DOK2: variants seen among roughly 807,000 people sequenced by gnomAD.
DOK2 encodes the protein docking protein 2, 56kD.
A neutral mutation model predicts 26.0 loss-of-function variants in DOK2; 28 were observed. That is an observed-to-expected ratio of 1.08 (90% CI 0.80 to 1.48). The LOEUF is 1.48. DOK2 is among the 40% of genes most tolerant of loss of function. The pLI, the probability that DOK2 is intolerant of heterozygous loss-of-function variation, is 0.00. For missense variants in DOK2, 682 were observed against 558.2 expected, an observed-to-expected ratio of 1.22 and a Z score of -2.23; for synonymous variants, 282 against 236.9, an observed-to-expected ratio of 1.19 and a Z score of -1.75.
At position 21,910,730 on chromosome 8, in the gene DOK2, T is replaced by C; in HGVS notation, c.561A>G (p.Pro187=). 1 of 1,614,114 alleles carries C rather than the reference T, an allele frequency of 6.2e-7. No individual in the cohort carries two copies. The highest frequency in any genetic ancestry group is 1.7e-5 in the Admixed American group (1 of 60,024). ...AGGGCCAGTCGTACAGCTGGGTCCC[T>C]GGCTCGGGCCCACCCCACAGCTCCA... The part of the protein sequence containing the change: ...SALELWGGPE[P]GTQLYDWPYR... The change falls in exon 4 of 5, where the codon CCA becomes CCG. Residue 187 remains proline (P), a synonymous_variant. Coordinates refer to ENST00000276420, the MANE Select transcript of DOK2 (RefSeq NM_003974.4).
Position 21,909,833 on chromosome 8 carries a change from T to G in DOK2, c.717A>C (p.Glu239Asp). 6.2e-7 allele frequency: 1 copy of G among 1,613,968 alleles called. No individual in the cohort carries two copies. Among genetic ancestry groups the G allele is most frequent in the African/African-American group, 1.3e-5 (1 of 75,020 alleles). The stretch of plus-strand genomic sequence containing the variant: ...CATTCTTCTGGGCAGAGATGGCCTC[T>G]TCCAGGGCCAAGAAGATCTCATTGC... ...RQGNEIFLAL[E>D]EAISAQKNAA... The change falls in exon 5 of 5, where the codon GAA (glutamate) becomes GAC (aspartate). Residue 239 changes from glutamate to aspartate, a missense_variant. Transcript: ENST00000276420.
Position 21,910,860 on chromosome 8 carries a change from G to A in DOK2, c.434-3C>T, listed in dbSNP as rs1809816266. ...AGCAAATTCCTTGTGGGGGCCGACT[G>A]GGGAGAAGAAGAGAGAGAAGGCGAA... On this transcript the variant is annotated splice_polypyrimidine_tract_variant and splice_region_variant and intron_variant, in intron 3 of 4. Coordinates refer to ENST00000276420, the MANE Select transcript of DOK2 (RefSeq NM_003974.4). 7.5e-6 allele frequency: 12 copies of A among 1,598,494 alleles called. No individual in the cohort carries two copies. Among genetic ancestry groups the A allele is most frequent in the Non-Finnish European group, 9.4e-6 (11 of 1,171,678 alleles).
In DOK2 at chr8:21,909,608, G is replaced by A. The variant is rs148406662; in HGVS notation, c.942C>T (p.Phe314=). Residue 314 remains phenylalanine (F), a synonymous_variant, in exon 5 of 5, where the codon TTC becomes TTT. Transcript: ENST00000276420. ...GAGGAGGGACTGCCAAGATGCCCCT[G>A]AAGTTCTTCCCCAAGGAACGGGCCA... ...DAVARSLGKN[F]RGILAVPPQL... 1,211 of 1,613,884 alleles carry A rather than the reference G, an allele frequency of 7.5e-4. 5 individuals carry two copies. Among genetic ancestry groups the A allele is most frequent in the Non-Finnish European group, 9.1e-4 (1,074 of 1,180,042 alleles).
At position 21,912,308 on chromosome 8, in the gene DOK2, T is replaced by C. The variant is rs1585399798; in HGVS notation, c.266A>G (p.Lys89Arg). 1.2e-6 allele frequency: 2 copies of C among 1,603,694 alleles called. No homozygotes were observed. The highest frequency in any genetic ancestry group is 1.7e-5 in the Admixed American group (1 of 59,470). The change falls in exon 2 of 5, where the codon AAG (lysine) becomes AGG (arginine). Residue 89 changes from lysine to arginine, a missense_variant. Coordinates refer to ENST00000276420, the MANE Select transcript of DOK2 (RefSeq NM_003974.4). ...RDTSAFFLET[K>R]ERLYLLAAPA... The stretch of plus-strand genomic sequence containing the variant: ...GGCCGCCAGGAGGTACAGGCGCTCC[T>C]TGGTCTCCAGGAAGAAGGCACTGGT...
At position 21,910,859 on chromosome 8, in the gene DOK2, T is replaced by C. The variant is rs149080191; in HGVS notation, c.434-2A>G. On this transcript the variant is annotated splice_acceptor_variant, in intron 3 of 4. Transcript: ENST00000276420. LOFTEE classifies it high-confidence loss of function. ...CAGCAAATTCCTTGTGGGGGCCGAC[T>C]GGGGAGAAGAAGAGAGAGAAGGCGA... The C allele has an allele frequency of 4.2e-4, 664 of 1,599,366 alleles. 8 individuals carry two copies. The highest frequency in any genetic ancestry group is 8.4e-4 in the Admixed American group (49 of 58,124).
chr8:21,913,162 T>C (rs1290439556), intron 1 of DOK2, among the ~76,000 whole-genome samples: 1 of 151,564 alleles, frequency 6.6e-6, no homozygotes, highest in African/African-American at 2.4e-5. Context: ...CCCACTGGGG[T>C]TGGGAAGGAA....
intron 3 of DOK2, among the ~76,000 whole-genome samples, chr8:21,911,522 C>G (rs535524311): frequency 6.6e-6 from 1 of 152,300 alleles, no homozygotes; most frequent in East Asian, 1.9e-4. Context: ...GCAGGAGAAT[C>G]GCTTGAACCC....
intron 4 of DOK2, among the ~76,000 whole-genome samples, chr8:21,910,139 G>A (rs59096642): frequency 0.045 from 6,906 of 152,074 alleles, 540 homozygotes; most frequent in African/African-American, 0.16. Flanking sequence ...ATGCCACCAC[G>A]CCCAGCTAAT....
At chr8:21,910,048 C>A in intron 4 of DOK2, 117 bp from the exon 5 acceptor site, 1 of 1,193,510 alleles carries the variant, frequency 8.4e-7, no homozygotes, top group Non-Finnish European at 1.1e-6. Context: ...GTGGCACAAT[C>A]TCAGCTCACT....
At position 21,912,338 on chromosome 8, in the gene DOK2, C is replaced by T; in HGVS notation, c.236G>A (p.Arg79Gln). Residue 79 changes from arginine to glutamine, a missense_variant, in exon 2 of 5, where the codon CGG becomes CAG. By Grantham distance (43) the Arg-to-Gln change is conservative (BLOSUM62 1). Transcript: ENST00000276420. ...CTCCAGGAAGAAGGCACTGGTGTCC[C>T]GGGGGCTGCTGGCCTCTCCGCCGGC... ...AEAGGEASSP[R>Q]DTSAFFLETK... The T allele has an allele frequency of 5.0e-6, 8 of 1,607,510 alleles. No individual in the cohort carries two copies. The highest frequency in any genetic ancestry group is 1.3e-5 in the African/African-American group (1 of 74,880).
At chr8:21,912,085 T>A (rs1259751906) in intron 2 of DOK2, 97 bp from the exon 3 acceptor site, 1 of 1,481,724 alleles carries the variant, frequency 6.7e-7, no homozygotes, top group Non-Finnish European at 9.0e-7. Flanking sequence ...GCTGGCTCTG[T>A]CTGCACACTG....
chr8:21,909,492 G>T lies in DOK2; in HGVS notation c.1058C>A (p.Ala353Asp). The change falls in exon 5 of 5, where the codon GCC becomes GAC. Residue 353 changes from alanine to aspartate, a missense_variant. Physicochemically the swap from Ala to Asp is moderately radical, Grantham distance 126. Coordinates refer to ENST00000276420, the MANE Select transcript of DOK2 (RefSeq NM_003974.4). ...HIYDEPEGVA[A>D]LSLYDSPQEP... Reference sequence around the variant, plus strand: ...CTGCGGGCTGTCATAGAGGGACAGGGCAGCCACTCCCTCGGGCTCATCGTA... The same window carrying T: ...CTGCGGGCTGTCATAGAGGGACAGGTCAGCCACTCCCTCGGGCTCATCGTA... 6.2e-7 allele frequency: 1 copy of T among 1,613,558 alleles called. No homozygotes were observed. The highest frequency in any genetic ancestry group is 8.5e-7 in the Non-Finnish European group (1 of 1,179,960).
chr8:21,912,537 G>A (rs1379601667), intron 1 of DOK2, 27 bp from the exon 2 acceptor site: 2 of 1,471,092 alleles, frequency 1.4e-6, no homozygotes, highest in African/African-American at 1.4e-5. Context: ...GGAGGCGGGG[G>A]CGGGAGGGAG....
At chr8:21,913,477 A>G (rs777733161) in intron 1 of DOK2, 62 bp downstream of exon 1, 14 of 1,600,724 alleles carry the variant, frequency 8.7e-6, no homozygotes, top group Non-Finnish European at 1.2e-5. Flanking sequence ...TCCCTCTCCA[A>G]CCCAGGAATT....
chr8:21,912,181 C>A, intron 2 of DOK2, 48 bp downstream of exon 2: 1 of 1,501,568 alleles, frequency 6.7e-7, no homozygotes, highest in Non-Finnish European at 8.9e-7. Context: ...TATCTAACAC[C>A]CTCGGCCTGC....
intron 3 of DOK2, among the ~76,000 whole-genome samples, chr8:21,911,594 GC>G (rs1203615401): frequency 4.6e-5 from 7 of 152,258 alleles, no homozygotes; most frequent in African/African-American, 1.4e-4. Flanking sequence ...AGCGACAAGA[GC>G]AAAACTCCGT....
In DOK2 at chr8:21,911,996, G is replaced by C; in HGVS notation, c.346-8C>G. 6.5e-7 allele frequency: 1 copy of C among 1,547,708 alleles called. No individual in the cohort carries two copies. Among genetic ancestry groups the C allele is most frequent in the Non-Finnish European group, 8.7e-7 (1 of 1,146,684 alleles). On this transcript the variant is annotated splice_region_variant and splice_polypyrimidine_tract_variant and intron_variant, in intron 2 of 4. Coordinates refer to ENST00000276420, the MANE Select transcript of DOK2 (RefSeq NM_003974.4). ...GAGCTCCTTCCTCTGCCCCTAGGGA[G>C]GAGGCGCCCCGTCTCATCACCTTCC...
At position 21,910,297 on chromosome 8, in the gene DOK2, C is replaced by T. The variant is rs943865442; in HGVS notation, c.619-366G>A. ...GCCCAGCTAGGGATGCTTTCTTAAA[C>T]CCCATCCCTAACCCAAGCCCTGGGA... On this transcript the variant is annotated intron_variant, in intron 4 of 4. Coordinates refer to ENST00000276420, the MANE Select transcript of DOK2 (RefSeq NM_003974.4). Among the ~76,000 whole-genome samples, 11 of 152,070 alleles carry T rather than the reference C, an allele frequency of 7.2e-5. No homozygotes were observed. In the South Asian group the frequency reaches 2.3e-3, roughly 32 times the overall value.
At chr8:21,910,887 G>T (rs1217807517) in intron 3 of DOK2, 30 bp from the exon 4 acceptor site, 1 of 1,570,652 alleles carries the variant, frequency 6.4e-7, no homozygotes. Context: ...GAAGGCGAAG[G>T]CAGTTAATGG....
Sources: allele counts gnomAD v4.1 joint callset (sites outside exome capture counted in the v4.1 genomes callset), GRCh38; gene constraint gnomAD v4.1.1; transcripts MANE v1.5; gene names NCBI Gene and HGNC (gene_info 2026-07-23, HGNC 2026-07-21).